WDR75: variants seen among roughly 807,000 people sequenced by gnomAD.
WDR75 encodes the protein WD repeat domain 75, also known as WD repeat-containing protein 75.
WDR75 carries 52 observed loss-of-function variants against 106.1 expected under a neutral mutation model. The ratio of observed to expected loss-of-function variants is 0.49; its 90% CI spans 0.39 to 0.62. The LOEUF is 0.62. Among genes scored for constraint, WDR75 ranks in the 20% least tolerant of loss-of-function variants. The pLI is 0.00. For synonymous variants in WDR75, 333 were observed against 335.5 expected (o/e 0.99, Z 0.08); for missense variants, 905 against 970.3 (o/e 0.93, Z 0.89).
Position 189,474,801 on chromosome 2 carries a change from A to AC in WDR75, c.2282dup (p.Lys762Ter). 1.2e-6 allele frequency: 2 copies of AC among 1,613,464 alleles called. No individual in the cohort carries two copies. The highest frequency in any genetic ancestry group is 1.7e-6 in the Non-Finnish European group (2 of 1,179,488). On this transcript the variant is annotated frameshift_variant, in exon 20 of 21. Transcript: ENST00000314761. LOFTEE classifies it high-confidence loss of function. ...AAATTCATTGCTGCTGTCTAAAGAG[A>AC]CTAAGAGGTAAAGCAGTTCTTAAGA...
intron 1 of WDR75, among the ~76,000 whole-genome samples, chr2:189,444,178 AG>A (rs1686445842): frequency 6.6e-6 from 1 of 152,274 alleles, no homozygotes; most frequent in Non-Finnish European, 1.5e-5. Flanking sequence ...AACTCAGCAA[AG>A]ATTTGAATAT....
At chr2:189,459,536 C>A in intron 8 of WDR75, 112 bp downstream of exon 8, 2 of 1,017,516 alleles carry the variant, frequency 2.0e-6, no homozygotes, top group Non-Finnish European at 3.0e-6. Flanking sequence ...AAATGAATTC[C>A]AAACACTTGT....
intron 8 of WDR75, among the ~76,000 whole-genome samples, chr2:189,460,623 G>A (rs1574197410): frequency 6.7e-6 from 1 of 150,088 alleles, no homozygotes; most frequent in Admixed American, 6.6e-5. Context: ...TCCCACCTCA[G>A]CCCCCTAAGT....
chr2:189,451,288 A>G (rs761048037), intron 3 of WDR75, among the ~76,000 whole-genome samples: 4 of 152,228 alleles, frequency 2.6e-5, no homozygotes, highest in Non-Finnish European at 5.9e-5. Context: ...AAAGAAATAC[A>G]AATAGTCAAT....
intron 11 of WDR75, 107 bp downstream of exon 11, chr2:189,464,068 T>TCAAG: frequency 1.4e-5 from 13 of 899,216 alleles, no homozygotes; most frequent in Non-Finnish European, 2.2e-5. Context: ...GTGCATATGT[T>TCAAG]TACTTGAACA....
At chr2:189,444,869 A>G (rs1268194020) in intron 1 of WDR75, among the ~76,000 whole-genome samples, 1 of 151,980 alleles carries the variant, frequency 6.6e-6, no homozygotes, top group East Asian at 1.9e-4. Context: ...TAATCATACC[A>G]TTTCCTTGCT....
chr2:189,461,272 T>C (rs1398648301), intron 8 of WDR75, among the ~76,000 whole-genome samples: 1 of 152,254 alleles, frequency 6.6e-6, no homozygotes, highest in Non-Finnish European at 1.5e-5. Flanking sequence ...TATTTATCCA[T>C]TTAGTCATTA....
chr2:189,468,665 T>A (rs1687054712), intron 15 of WDR75, 96 bp downstream of exon 15: 1 of 1,257,504 alleles, frequency 8.0e-7, no homozygotes, highest in Non-Finnish European at 1.1e-6. Context: ...TATCATCAGG[T>A]CTGTACTTGG....
intron 3 of WDR75, among the ~76,000 whole-genome samples, chr2:189,451,226 A>G (rs968428038): frequency 1.3e-5 from 2 of 152,250 alleles, no homozygotes; most frequent in Non-Finnish European, 2.9e-5. Flanking sequence ...AGGAAAAACT[A>G]ATAGCCTGGT....
At chr2:189,446,113 G>A (rs953355742) in intron 1 of WDR75, among the ~76,000 whole-genome samples, 1 of 152,166 alleles carries the variant, frequency 6.6e-6, no homozygotes. Context: ...GGGGATGGGG[G>A]AAATTGTTGG....
At chr2:189,455,222 C>G in intron 4 of WDR75, 98 bp from the exon 5 acceptor site, 6 of 1,366,678 alleles carry the variant, frequency 4.4e-6, no homozygotes, top group Non-Finnish European at 5.8e-6. Flanking sequence ...GCCTGGGCGA[C>G]AGAGCAAGAC....
chr2:189,475,313 AACAC>A lies in WDR75; in HGVS notation c.2391_2394del (p.Asn797LysfsTer3). The stretch of plus-strand genomic sequence containing the variant: ...TACCGAAAAAGTCCAGGATACAAGT[AACAC>A]AGGTTTAGGAGAAGACATTATACAT... On this transcript the variant is annotated frameshift_variant, in exon 21 of 21. Coordinates refer to ENST00000314761, the MANE Select transcript of WDR75 (RefSeq NM_032168.3). LOFTEE classifies it high-confidence loss of function. 6.2e-7 allele frequency: 1 copy of A among 1,612,684 alleles called. No homozygotes were observed. Among genetic ancestry groups the A allele is most frequent in the Non-Finnish European group, 8.5e-7 (1 of 1,178,990 alleles).
intron 11 of WDR75, among the ~76,000 whole-genome samples, chr2:189,464,467 TTCTC>T (rs1325564056): frequency 6.6e-6 from 1 of 152,006 alleles, no homozygotes; most frequent in Non-Finnish European, 1.5e-5. Flanking sequence ...CACTAGCTCT[TTCTC>T]ACCGTGGCCT....
intron 13 of WDR75, among the ~76,000 whole-genome samples, chr2:189,467,044 T>C (rs1687016697): frequency 1.3e-5 from 2 of 152,094 alleles, no homozygotes; most frequent in South Asian, 2.1e-4. Flanking sequence ...GCTTATAATG[T>C]CCCTCATTTA....
chr2:189,445,522 T>C (rs1686480518), intron 1 of WDR75, among the ~76,000 whole-genome samples: 1 of 152,070 alleles, frequency 6.6e-6, no homozygotes, highest in South Asian at 2.1e-4. Context: ...TTCTGAGAAA[T>C]GGGAAAGACT....
rs537482729 is a variant in WDR75 at position 189,450,406 on chromosome 2, T to G, written c.217-497T>G. 155 of 953,916 alleles carry G rather than the reference T, an allele frequency of 1.6e-4. No individual in the cohort carries two copies. The Middle Eastern group carries it at 0.013, about 79-fold the overall frequency. 59.1% of individuals were successfully genotyped at this position (953,916 alleles called of 1,614,324 possible). On this transcript the variant is annotated intron_variant, in intron 2 of 20. Transcript: ENST00000314761. ...GAGAGTCTCACTCTGTCTCCCAGGC[T>G]GGAGTACAGCGATGTGATTGATCTC...
intron 1 of WDR75, 99 bp downstream of exon 1, chr2:189,441,677 T>G: frequency 7.2e-7 from 1 of 1,380,356 alleles, no homozygotes. Context: ...CTCGCCCGCC[T>G]GGCGGATATC....
intron 2 of WDR75, chr2:189,450,455 C>T: frequency 1.2e-6 from 1 of 854,488 alleles, no homozygotes; most frequent in Non-Finnish European, 1.4e-6. Context: ...CTCAGCCTCC[C>T]AAGTAGCTAG....
intron 18 of WDR75, among the ~76,000 whole-genome samples, chr2:189,471,394 A>G (rs937195108): frequency 2.0e-5 from 3 of 152,218 alleles, no homozygotes; most frequent in African/African-American, 7.2e-5. Flanking sequence ...TAAATGTTAA[A>G]TTGGTTAGTT....
Sources: allele counts gnomAD v4.1 joint callset (sites outside exome capture counted in the v4.1 genomes callset), GRCh38; gene constraint gnomAD v4.1.1; transcripts MANE v1.5; gene names NCBI Gene and HGNC (gene_info 2026-07-23, HGNC 2026-07-21).